The following CTSO variants were observed in gnomAD, a reference collection of about 807,000 sequenced individuals.
The protein encoded by CTSO is cathepsin O.
CTSO carries 40 observed loss-of-function variants against 42.4 expected under a neutral mutation model. The ratio of observed to expected loss-of-function variants is 0.94; its 90% CI spans 0.73 to 1.23. The LOEUF (loss-of-function observed/expected upper bound fraction) is 1.23, where lower values mean the gene tolerates loss of function less well. Ranked by LOEUF, CTSO falls within the 50% of genes most tolerant of loss-of-function variation. The pLI is 0.00. For missense variants in CTSO, 441 were observed against 396.0 expected (o/e 1.11, Z -0.96); for synonymous variants, 156 against 146.2 (o/e 1.07, Z -0.48).
chr4:155,941,440 C>T (rs1313461321), intron 3 of CTSO, among the ~76,000 whole-genome samples: 1 of 152,214 alleles, frequency 6.6e-6, no homozygotes, highest in Non-Finnish European at 1.5e-5. Context: ...TTCAAAGGCA[C>T]CTCCTTCCAC....
intron 7 of CTSO, 142 bp downstream of exon 7, chr4:155,928,194 C>A (rs1306963686): frequency 1.2e-5 from 5 of 432,798 alleles, no homozygotes; most frequent in Non-Finnish European, 1.6e-5. Context: ...GTTCCTCTTG[C>A]AAAACACTTT....
intron 1 of CTSO, among the ~76,000 whole-genome samples, chr4:155,949,086 A>G (rs924792704): frequency 6.6e-6 from 1 of 152,226 alleles, no homozygotes; most frequent in Admixed American, 6.5e-5. Context: ...AATGCACTAA[A>G]TACAAAGGGT....
chr4:155,937,467 A>G lies in CTSO; in HGVS notation c.569T>C (p.Val190Ala), dbSNP rs1743349744. Residue 190 changes from valine to alanine, a missense_variant, in exon 5 of 8, where the codon GTG (valine) becomes GCG (alanine). Val to Ala is a moderately conservative substitution (Grantham distance 64). Transcript: ENST00000433477. ...NWLNKMQVKL[V>A]KDSEYPFKAQ... The stretch of plus-strand genomic sequence containing the variant: ...TTTAAAAGGATATTCTGAATCTTTC[A>G]CCAGTTTTACTTGCATCTAAAAGAA... The G allele has an allele frequency of 6.2e-7, 1 of 1,613,090 alleles. No individual in the cohort carries two copies. The highest frequency in any genetic ancestry group is 8.5e-7 in the Non-Finnish European group (1 of 1,179,446).
At chr4:155,931,591 A>T (rs1743234403) in intron 5 of CTSO, among the ~76,000 whole-genome samples, 1 of 152,138 alleles carries the variant, frequency 6.6e-6, no homozygotes, top group South Asian at 2.1e-4. Flanking sequence ...TTTCAGAAAG[A>T]TGTCAGCTTT....
rs1191936713 is a variant in CTSO, at chr4:155,953,291, A to C, written c.135+422T>G. Among the ~76,000 whole-genome samples the C allele has an allele frequency of 2.6e-5, 4 of 151,898 alleles. No individual in the cohort carries two copies. The South Asian group carries it at 8.3e-4, about 32-fold the overall frequency. ...CCTCCTCGGGAAAAAAAAACACGAC[A>C]GGTTTCTTCCACCAACAGGCTGCTC... On this transcript the variant is annotated intron_variant, in intron 1 of 7. Transcript: ENST00000433477.
At chr4:155,930,086 C>T (rs370649705) in intron 5 of CTSO, among the ~76,000 whole-genome samples, 5 of 152,290 alleles carry the variant, frequency 3.3e-5, no homozygotes, top group East Asian at 1.9e-4. Flanking sequence ...TATATCTTCA[C>T]GGATCTCATT....
intron 3 of CTSO, 83 bp downstream of exon 3, chr4:155,942,234 C>G: frequency 8.8e-7 from 1 of 1,133,516 alleles, no homozygotes; most frequent in Non-Finnish European, 1.2e-6. Flanking sequence ...AATGATGTTT[C>G]CATTACAACT....
rs537437458 is a variant in CTSO, at chr4:155,943,967, T to A, written c.136-703A>T. On this transcript the variant is annotated intron_variant, in intron 1 of 7. Transcript: ENST00000433477. ...GCTTCAATTTCGTAATACTAACCAATTACATAGAATAAATAAAATTTCAGG... is the reference window on the plus strand; with the variant it reads ...GCTTCAATTTCGTAATACTAACCAAATACATAGAATAAATAAAATTTCAGG... Among the ~76,000 whole-genome samples, 33 of 152,306 alleles carry A rather than the reference T, an allele frequency of 2.2e-4. 1 individual carries two copies. The highest frequency in any genetic ancestry group is 7.5e-4 in the African/African-American group (31 of 41,580).
chr4:155,952,226 C>T (rs1010909604), intron 1 of CTSO, among the ~76,000 whole-genome samples: 3 of 152,150 alleles, frequency 2.0e-5, no homozygotes, highest in Non-Finnish European at 4.4e-5. Flanking sequence ...ATCTTTCAAC[C>T]TGTTTCTTTG....
In CTSO at chr4:155,937,390, T is replaced by C. The variant is rs1220720991; in HGVS notation, c.646A>G (p.Ile216Val). The C allele has an allele frequency of 6.2e-6, 10 of 1,610,746 alleles. No homozygotes were observed. Among genetic ancestry groups the C allele is most frequent in the African/African-American group, 5.3e-5 (4 of 74,978 alleles). Residue 216 changes from isoleucine (I) to valine (V), a missense_variant, in exon 5 of 8, where the codon ATC becomes GTC. Transcript: ENST00000433477. Reference sequence around the variant, plus strand: ...AAGTCATATGCAGAATAACCTTTGATTGAAAATCCAGAATGTGAACCAGAA... The same window carrying C: ...AAGTCATATGCAGAATAACCTTTGACTGAAAATCCAGAATGTGAACCAGAA... ...YFSGSHSGFS[I>V]KGYSAYDFSD...
At chr4:155,926,153 G>C (rs984467900) in intron 7 of CTSO, 83 bp from the exon 8 acceptor site, 11 of 989,162 alleles carry the variant, frequency 1.1e-5, no homozygotes, top group Admixed American at 1.1e-4. Flanking sequence ...TTTCATTTGG[G>C]TTCAGAAAGA....
At chr4:155,930,306 G>A (rs1743212151) in intron 5 of CTSO, among the ~76,000 whole-genome samples, 1 of 152,172 alleles carries the variant, frequency 6.6e-6, no homozygotes, top group South Asian at 2.1e-4. Flanking sequence ...AGAAATTATA[G>A]GGAAGGGCTA....
At chr4:155,930,333 A>ATAAT (rs1307255216) in intron 5 of CTSO, among the ~76,000 whole-genome samples, 3 of 152,278 alleles carry the variant, frequency 2.0e-5, no homozygotes, top group Non-Finnish European at 4.4e-5. Flanking sequence ...AGTGGCTAAT[A>ATAAT]TAATTATACA....
chr4:155,931,613 A>C (rs1743235451), intron 5 of CTSO, among the ~76,000 whole-genome samples: 1 of 152,106 alleles, frequency 6.6e-6, no homozygotes, highest in South Asian at 2.1e-4. Context: ...AGAGAGTTCA[A>C]ATAATGCTCC....
chr4:155,930,774 A>G (rs116657503), intron 5 of CTSO, among the ~76,000 whole-genome samples: 2,489 of 152,294 alleles, frequency 0.016, 37 homozygotes, highest in South Asian at 0.043. Flanking sequence ...GAATTGATTG[A>G]AATAGAAACT....
Position 155,942,406 on chromosome 4 carries a change from C to T in CTSO, c.295G>A (p.Val99Ile). ...GACACATTGGGGATGGACATATGTA[C>T]TTCTGCTGAGTATCTGGGAAACTTG... is the stretch of plus-strand genomic sequence containing the variant. Reference protein sequence around the residue: ...PSKFPRYSAEVHMSIPNVSLP... With the variant: ...PSKFPRYSAEIHMSIPNVSLP... The change falls in exon 3 of 8, where the codon GTA becomes ATA. Residue 99 changes from valine (V) to isoleucine (I), a missense_variant. By Grantham distance (29) the Val-to-Ile change is conservative. Coordinates refer to ENST00000433477, the MANE Select transcript of CTSO (RefSeq NM_001334.3). The T allele has an allele frequency of 6.3e-7, 1 of 1,588,198 alleles. No homozygotes were observed. The highest frequency in any genetic ancestry group is 8.6e-7 in the Non-Finnish European group (1 of 1,168,532).
At chr4:155,936,000 A>T (rs1743323344) in intron 5 of CTSO, among the ~76,000 whole-genome samples, 1 of 151,726 alleles carries the variant, frequency 6.6e-6, no homozygotes, top group Admixed American at 6.6e-5. Context: ...TTTTTTTTTC[A>T]ATTTCCTACC....
chr4:155,953,205 T>C (rs187717591), intron 1 of CTSO, among the ~76,000 whole-genome samples: 20 of 152,230 alleles, frequency 1.3e-4, no homozygotes, highest in Non-Finnish European at 2.4e-4. Flanking sequence ...TCATAAACCA[T>C]CAGGATTCTT....
chr4:155,939,612 G>T, intron 3 of CTSO, 74 bp from the exon 4 acceptor site: 1 of 1,339,388 alleles, frequency 7.5e-7, no homozygotes. Flanking sequence ...AATGTAACAA[G>T]TTATCAAATC....
Sources: gnomAD v4.1 joint callset for allele counts (sites outside exome capture counted in the v4.1 genomes callset) on GRCh38, gnomAD v4.1.1 for gene constraint, MANE v1.5 for transcripts, NCBI Gene and HGNC (gene_info 2026-07-23, HGNC 2026-07-21) for gene names.